EYA1: variants seen among roughly 807,000 people sequenced by gnomAD.
EYA1 encodes the protein protein phosphatase EYA1.
A neutral mutation model predicts 82.0 loss-of-function variants in EYA1; 16 were observed. The ratio of observed to expected loss-of-function variants is 0.20; its 90% CI spans 0.13 to 0.30. The LOEUF (loss-of-function observed/expected upper bound fraction) is 0.30. Among genes scored for constraint, EYA1 ranks in the 10% least tolerant of loss-of-function variants. EYA1 has a pLI of 1.00. For missense variants in EYA1, 633 were observed against 730.7 expected (o/e 0.87, Z 1.54); for synonymous variants, 261 against 264.4 (o/e 0.99, Z 0.12).
chr8:71,435,159 C>T (rs1563611297), intron 2 of EYA1, among the ~76,000 whole-genome samples: 2 of 152,174 alleles, frequency 1.3e-5, no homozygotes, highest in Non-Finnish European at 2.9e-5. Flanking sequence ...TTCTCCAGCT[C>T]ACAGTGGTTC....
At chr8:71,540,269 C>T (rs542219770) in intron 1 of EYA1, among the ~76,000 whole-genome samples, 1 of 152,260 alleles carries the variant, frequency 6.6e-6, no homozygotes, top group South Asian at 2.1e-4. Flanking sequence ...TAAAGTTTTC[C>T]CAGGTTCAGT....
Position 71,238,902 on chromosome 8 carries a change from CT to C in EYA1, c.1140+5700del, listed in dbSNP as rs1250834599. On this transcript the variant is annotated intron_variant, in intron 12 of 17. Coordinates refer to ENST00000340726, the MANE Select transcript of EYA1 (RefSeq NM_000503.6). The stretch of plus-strand genomic sequence containing the variant: ...ACAGTTTGCTTCCAGTATTTTACTG[CT>C]AAGTACAATGTTTGCTATCAGTAGA... Among the ~76,000 whole-genome samples the C allele has an allele frequency of 6.6e-5, 10 of 151,854 alleles. No homozygotes were observed. In the East Asian group the frequency reaches 1.7e-3, roughly 26 times the overall value.
intron 2 of EYA1, among the ~76,000 whole-genome samples, chr8:71,516,533 G>C (rs990604676): frequency 1.3e-5 from 2 of 152,100 alleles, no homozygotes; most frequent in Non-Finnish European, 2.9e-5. Context: ...TCTGAGAGAT[G>C]GTTCAAGATG....
chr8:71,300,662 G>T (rs1025011632), intron 7 of EYA1, among the ~76,000 whole-genome samples: 1 of 151,918 alleles, frequency 6.6e-6, no homozygotes, highest in Non-Finnish European at 1.5e-5. Context: ...TATACAAAGA[G>T]ATAGCAAAGA....
chr8:71,487,321 T>G (rs557750553), intron 2 of EYA1, among the ~76,000 whole-genome samples: 1 of 152,324 alleles, frequency 6.6e-6, no homozygotes, highest in African/African-American at 2.4e-5. Flanking sequence ...GAGGGGTTCA[T>G]GCAGATGATC....
At chr8:71,278,974 T>G (rs538027227) in intron 9 of EYA1, among the ~76,000 whole-genome samples, 1 of 152,100 alleles carries the variant, frequency 6.6e-6, no homozygotes, top group African/African-American at 2.4e-5. Flanking sequence ...TAAACAGAAG[T>G]AGGTAATTGA....
At chr8:71,485,200 T>C (rs1810470440) in intron 2 of EYA1, among the ~76,000 whole-genome samples, 1 of 152,220 alleles carries the variant, frequency 6.6e-6, no homozygotes, top group Non-Finnish European at 1.5e-5. Flanking sequence ...TTAGATAAAG[T>C]GTCATGATCA....
At chr8:71,237,686 A>T (rs1812011539) in intron 12 of EYA1, among the ~76,000 whole-genome samples, 1 of 152,196 alleles carries the variant, frequency 6.6e-6, no homozygotes, top group South Asian at 2.1e-4. Flanking sequence ...TTATTTATGC[A>T]ATATATATTT....
chr8:71,218,543 C>T (rs1033040680), intron 12 of EYA1, among the ~76,000 whole-genome samples: 10 of 152,148 alleles, frequency 6.6e-5, no homozygotes, highest in African/African-American at 2.4e-4. Flanking sequence ...TTGTAACCCT[C>T]CCCTGCTCTC....
intron 2 of EYA1, among the ~76,000 whole-genome samples, chr8:71,490,860 C>A (rs777058884): frequency 2.6e-5 from 4 of 152,124 alleles, no homozygotes; most frequent in Non-Finnish European, 5.9e-5. Flanking sequence ...GATTCAAATG[C>A]TATAAAGCAG....
chr8:71,348,180 C>T (rs1394209499), intron 3 of EYA1, among the ~76,000 whole-genome samples: 1 of 152,090 alleles, frequency 6.6e-6, no homozygotes, highest in Non-Finnish European at 1.5e-5. Flanking sequence ...ATGAATTACT[C>T]TTGACCCTTA....
intron 3 of EYA1, among the ~76,000 whole-genome samples, chr8:71,344,615 C>T (rs1015732235): frequency 1.3e-5 from 2 of 152,156 alleles, no homozygotes; most frequent in Admixed American, 6.6e-5. Context: ...AGCCAAAAAG[C>T]CCAGTGTTTT....
intron 2 of EYA1, among the ~76,000 whole-genome samples, chr8:71,377,129 TAAC>T (rs767737886): frequency 6.6e-6 from 1 of 152,142 alleles, no homozygotes; most frequent in Non-Finnish European, 1.5e-5. Context: ...AATAAGACAT[TAAC>T]AAGGAGGAAG....
chr8:71,269,350 A>G (rs2128947336), intron 11 of EYA1, among the ~76,000 whole-genome samples: 1 of 152,338 alleles, frequency 6.6e-6, no homozygotes, highest in East Asian at 1.9e-4. Flanking sequence ...CTAATCACTG[A>G]GAACAACAGA....
At chr8:71,405,165 T>C (rs916278649) in intron 2 of EYA1, among the ~76,000 whole-genome samples, 1 of 152,172 alleles carries the variant, frequency 6.6e-6, no homozygotes, top group Non-Finnish European at 1.5e-5. Context: ...TCCCCTCTTC[T>C]AGCACCTGAA....
At chr8:71,333,017 T>C (rs1007649874) in intron 4 of EYA1, among the ~76,000 whole-genome samples, 7 of 152,198 alleles carry the variant, frequency 4.6e-5, no homozygotes, top group African/African-American at 7.2e-5. Context: ...GGGTGTTCTT[T>C]GGGCTCTCTG....
At chr8:71,203,959 A>G (rs1164083251) in intron 17 of EYA1, among the ~76,000 whole-genome samples, 1 of 152,194 alleles carries the variant, frequency 6.6e-6, no homozygotes, top group Non-Finnish European at 1.5e-5. Context: ...ATTTGCTTGT[A>G]TTCAGACATT....
chr8:71,453,830 A>G (rs1022196523), intron 2 of EYA1, among the ~76,000 whole-genome samples: 1 of 152,216 alleles, frequency 6.6e-6, no homozygotes, highest in African/African-American at 2.4e-5. Context: ...CGAATTGTAA[A>G]GACCATCGAT....
intron 2 of EYA1, among the ~76,000 whole-genome samples, chr8:71,495,759 C>G (rs1017017635): frequency 1.3e-5 from 2 of 152,152 alleles, no homozygotes; most frequent in East Asian, 3.8e-4. Context: ...GTCCACCTCT[C>G]CTCCACCAAT....
Sources: allele counts gnomAD v4.1 joint callset (sites outside exome capture counted in the v4.1 genomes callset), GRCh38; gene constraint gnomAD v4.1.1; transcripts MANE v1.5; gene names NCBI Gene and HGNC (gene_info 2026-07-23, HGNC 2026-07-21).